PNLDC1: variants seen among roughly 807,000 people sequenced by gnomAD.
The protein encoded by PNLDC1 is poly(A)-specific ribonuclease PNLDC1.
Under a neutral mutation model 82.0 loss-of-function variants are expected in PNLDC1, and 70 were observed. That is an observed-to-expected ratio of 0.85 (90% CI 0.70 to 1.04). The LOEUF (loss-of-function observed/expected upper bound fraction) is 1.04. PNLDC1 is among the 50% of genes least tolerant of loss of function. PNLDC1 has a pLI of 0.00. For synonymous variants in PNLDC1, 280 were observed against 249.3 expected, an observed-to-expected ratio of 1.12 and a Z score of -1.16; for missense variants, 631 against 661.1, an observed-to-expected ratio of 0.95 and a Z score of 0.50.
chr6:159,803,184 A>G (rs754824913), intron 3 of PNLDC1, 87 bp from the exon 4 acceptor site: 58 of 1,268,420 alleles, frequency 4.6e-5, no homozygotes, highest in Non-Finnish European at 6.3e-5. Context: ...TGTGGGCGCA[A>G]AGTACTGTTT....
At chr6:159,808,270 A>C (rs1476103701) in intron 7 of PNLDC1, among the ~76,000 whole-genome samples, 1 of 152,258 alleles carries the variant, frequency 6.6e-6, no homozygotes, top group Non-Finnish European at 1.5e-5. Context: ...GATTGGATGC[A>C]AATGCCGATA....
At chr6:159,820,055 C>T (rs528301926) in intron 18 of PNLDC1, among the ~76,000 whole-genome samples, 2 of 152,094 alleles carry the variant, frequency 1.3e-5, no homozygotes, top group East Asian at 1.9e-4. Context: ...GGTCACAGCT[C>T]GGTGCAGCCA....
chr6:159,818,532 T>G, intron 15 of PNLDC1, 23 bp from the exon 16 acceptor site: 1 of 1,606,180 alleles, frequency 6.2e-7, no homozygotes, highest in Non-Finnish European at 8.5e-7. Flanking sequence ...GCCCGACAGC[T>G]TTGGGGTTTT....
At chr6:159,803,828 T>C (rs756192223) in intron 4 of PNLDC1, 137 bp from the exon 5 acceptor site, 220 of 985,330 alleles carry the variant, frequency 2.2e-4, no homozygotes, top group Non-Finnish European at 2.8e-4. Context: ...CAATCATAGC[T>C]CCTGAAACAC....
Position 159,819,210 on chromosome 6 carries a change from G to A in PNLDC1, c.1434-44G>A, listed in dbSNP as rs375091606. ...CACCCGCCTGATCACAGCAGGCGGC[G>A]CCATCCTGCTGCCTGGCTGACCACA... is the stretch of plus-strand genomic sequence containing the variant. On this transcript the variant is annotated intron_variant, in intron 17 of 18. Transcript: ENST00000392167. The surrounding 1 kb of genome is among the most constrained non-coding windows in gnomAD (Gnocchi z 4.6). 9.9e-5 allele frequency: 160 copies of A among 1,610,682 alleles called. No individual in the cohort carries two copies. The highest frequency in any genetic ancestry group is 1.3e-4 in the Admixed American group (8 of 59,954).
chr6:159,816,123 C>A lies in PNLDC1; in HGVS notation c.1060+90C>A, dbSNP rs1222531690. 54 of 1,006,392 alleles carry A rather than the reference C, an allele frequency of 5.4e-5. 1 individual carries two copies. The highest frequency in any genetic ancestry group is 7.6e-5 in the Non-Finnish European group (53 of 699,106). The allele number at this position is 1,006,392 out of a possible 1,614,324, so 62.3% of individuals were successfully genotyped here. A position where few individuals can be genotyped will look rare whatever the true frequency, so the allele number is the denominator to read the frequency against. ...TGTCCTTGACCCTGGTTCCCCCACA[C>A]CCCTCCCCACCCACCCGCCACACCC... On this transcript the variant is annotated intron_variant, in intron 13 of 18. Transcript: ENST00000392167.
At chr6:159,815,667 A>G (rs1250304863) in intron 12 of PNLDC1, among the ~76,000 whole-genome samples, 1 of 152,120 alleles carries the variant, frequency 6.6e-6, no homozygotes, top group Non-Finnish European at 1.5e-5. Flanking sequence ...TAGTCGCTAG[A>G]CAGGCCACTA....
In PNLDC1 at chr6:159,818,631, A is replaced by G; in HGVS notation, c.1234A>G (p.Ile412Val). 1.9e-6 allele frequency: 3 copies of G among 1,613,676 alleles called. No individual in the cohort carries two copies. The highest frequency in any genetic ancestry group is 2.5e-6 in the Non-Finnish European group (3 of 1,179,960). Residue 412 changes from isoleucine (I) to valine (V), a missense_variant, in exon 16 of 19, where the codon ATC (isoleucine) becomes GTC (valine). By Grantham distance (29) the Ile-to-Val change is conservative (BLOSUM62 3). Transcript: ENST00000392167. ...LAPYVNQVNL[I>V]RAGVPKINFS... ...TCCTTACGTGAACCAAGTGAACCTC[A>G]TCCGAGCGGGGGTCCCAAAGATCGT...
intron 3 of PNLDC1, among the ~76,000 whole-genome samples, chr6:159,802,157 A>G (rs1016997162): frequency 2.0e-5 from 3 of 152,238 alleles, no homozygotes; most frequent in Non-Finnish European, 2.9e-5. Flanking sequence ...CAGCTACTCA[A>G]TCCTGCTTTT....
chr6:159,818,413 C>G (rs1177925696), intron 15 of PNLDC1, 142 bp from the exon 16 acceptor site: 2 of 710,398 alleles, frequency 2.8e-6, no homozygotes, highest in Non-Finnish European at 4.9e-6. Context: ...CCAACCAGAG[C>G]CCCAAGACTT....
intron 18 of PNLDC1, among the ~76,000 whole-genome samples, 165 bp from the exon 19 acceptor site, chr6:159,820,289 C>T (rs1781994295): frequency 6.6e-6 from 1 of 152,156 alleles, no homozygotes; most frequent in African/African-American, 2.4e-5. Flanking sequence ...CATCCCAGAG[C>T]CAGCCTAACC....
At position 159,806,522 on chromosome 6, in the gene PNLDC1, C is replaced by T. The variant is rs544267526; in HGVS notation, c.562+439C>T. Reference sequence around the variant, plus strand: ...GATATGTGAGGTCAAAACGGTTTTCCAAGTATCCCTCAGCTGTACTTGCTA... The same window carrying T: ...GATATGTGAGGTCAAAACGGTTTTCTAAGTATCCCTCAGCTGTACTTGCTA... On this transcript the variant is annotated intron_variant, in intron 7 of 18. Transcript: ENST00000392167. Among the ~76,000 whole-genome samples, 5 of 152,230 alleles carry T rather than the reference C, an allele frequency of 3.3e-5. No homozygotes were observed. In the East Asian group the frequency reaches 7.7e-4, roughly 24 times the overall value.
At chr6:159,812,923 G>T (rs926018142) in intron 11 of PNLDC1, among the ~76,000 whole-genome samples, 4 of 152,156 alleles carry the variant, frequency 2.6e-5, no homozygotes, top group Non-Finnish European at 4.4e-5. Flanking sequence ...CTTGGGAGGC[G>T]TAAGTGGGAG....
At chr6:159,816,733 G>A (rs891085017) in intron 14 of PNLDC1, 137 bp downstream of exon 14, 3 of 770,604 alleles carry the variant, frequency 3.9e-6, no homozygotes, top group Admixed American at 2.2e-5. Context: ...CCTGGGCTCA[G>A]GTGATCCTCC....
At chr6:159,815,821 T>C (rs1311374360) in intron 12 of PNLDC1, 148 bp from the exon 13 acceptor site, 5 of 616,444 alleles carry the variant, frequency 8.1e-6, no homozygotes, top group Non-Finnish European at 1.4e-5. Flanking sequence ...GTTACTAAGA[T>C]CTTACCTGTC....
chr6:159,799,930 G>A (rs1787430471), upstream of PNLDC1, among the ~76,000 whole-genome samples: 2 of 152,264 alleles, frequency 1.3e-5, no homozygotes, highest in South Asian at 4.1e-4. Flanking sequence ...AGTTGCGTCC[G>A]GTGTTGTTCC....
intron 13 of PNLDC1, among the ~76,000 whole-genome samples, chr6:159,816,245 C>T (rs1022346983): frequency 2.5e-5 from 3 of 120,098 alleles, no homozygotes; most frequent in African/African-American, 6.2e-5. Context: ...GGTTTTCCTT[C>T]ACTCTGCTTA....
At position 159,819,150 on chromosome 6, in the gene PNLDC1, C is replaced by T; in HGVS notation, c.1433+29C>T. 6.2e-7 allele frequency: 1 copy of T among 1,611,486 alleles called. No individual in the cohort carries two copies. The highest frequency in any genetic ancestry group is 8.5e-7 in the Non-Finnish European group (1 of 1,178,150). On this transcript the variant is annotated intron_variant, in intron 17 of 18. Coordinates refer to ENST00000392167, the MANE Select transcript of PNLDC1 (RefSeq NM_001271862.2). This position sits in a 1 kb window ranked among gnomAD's most constrained non-coding sequence, Gnocchi z 4.6. ...GGTGCCTCTAAGTCCGCGTCCCCCA[C>T]CCCTCGTGCGTTCATCCCTGTATCT...
intron 14 of PNLDC1, 42 bp downstream of exon 14, chr6:159,816,638 T>A (rs1207707152): frequency 6.3e-7 from 1 of 1,576,248 alleles, no homozygotes; most frequent in Admixed American, 1.7e-5. Flanking sequence ...CACTTTTTTT[T>A]TTTTTTTTTC....
Sources: allele counts gnomAD v4.1 joint callset (sites outside exome capture counted in the v4.1 genomes callset), GRCh38; gene constraint gnomAD v4.1.1; non-coding constraint Gnocchi (gnomAD v3.1); transcripts MANE v1.5; gene names NCBI Gene and HGNC (gene_info 2026-07-23, HGNC 2026-07-21).